ZNF180: variants seen among roughly 807,000 people sequenced by gnomAD.
ZNF180 encodes the protein zinc finger protein 180 (HHZ168).
In ZNF180, 11 loss-of-function variants were observed where a neutral mutation model predicts 11.8. The ratio of observed to expected loss-of-function variants is 0.93; its 90% CI spans 0.59 to 1.55. ZNF180 has a LOEUF of 1.55. Ranked by LOEUF, ZNF180 falls within the 40% of genes most tolerant of loss-of-function variation. The pLI is 0.00. For synonymous variants in ZNF180, 287 were observed against 257.7 expected, an observed-to-expected ratio of 1.11 and a Z score of -1.09; for missense variants, 773 against 781.7, an observed-to-expected ratio of 0.99 and a Z score of 0.13.
At chr19:44,486,846 G>C (rs1256319308) in intron 2 of ZNF180, among the ~76,000 whole-genome samples, 1 of 152,076 alleles carries the variant, frequency 6.6e-6, no homozygotes, top group African/African-American at 2.4e-5. Context: ...TTCGAGACCA[G>C]CCTGGTCAAC....
intron 2 of ZNF180, among the ~76,000 whole-genome samples, chr19:44,486,724 T>C (rs1236555163): frequency 6.6e-6 from 1 of 151,978 alleles, no homozygotes; most frequent in Admixed American, 6.6e-5. Context: ...AGCAACACAG[T>C]GAGGCTCCCC....
At position 44,500,507 on chromosome 19, in the gene ZNF180, C is replaced by T. The variant is rs920520488; in HGVS notation, c.-276G>A. The T allele has an allele frequency of 1.9e-6, 1 of 539,986 alleles. No homozygotes were observed. Among genetic ancestry groups the T allele is most frequent in the Non-Finnish European group, 3.3e-6 (1 of 303,864 alleles). 33.4% of individuals were successfully genotyped at this position (539,986 alleles called of 1,614,324 possible). ...CGACAGCAAGCGTCCGCGCGCGGGA[C>T]AATGGCTGCTCTTGTGGCCGAACCC... On this transcript the variant is annotated 5_prime_UTR_variant, in exon 1 of 5. Transcript: ENST00000592529.
intron 4 of ZNF180, 135 bp from the exon 5 acceptor site, chr19:44,478,281 G>A (rs1388682773): frequency 2.2e-5 from 19 of 874,384 alleles, no homozygotes; most frequent in Non-Finnish European, 3.1e-5. Context: ...GGTTGAAAAA[G>A]CAAAAGGGTG....
intron 2 of ZNF180, among the ~76,000 whole-genome samples, chr19:44,490,030 GA>G (rs1970398421): frequency 7.2e-6 from 1 of 139,206 alleles, no homozygotes; most frequent in South Asian, 2.4e-4. Context: ...AAAAAGACAG[GA>G]AAGAAAGAGG....
intron 4 of ZNF180, among the ~76,000 whole-genome samples, chr19:44,478,970 C>G (rs1165535064): frequency 3.5e-4 from 53 of 152,126 alleles, no homozygotes; most frequent in Non-Finnish European, 1.5e-5. Flanking sequence ...GAGATTGTAT[C>G]TGCTTCAAAA....
At chr19:44,493,398 G>C (rs1053499848) in intron 2 of ZNF180, among the ~76,000 whole-genome samples, 4 of 152,200 alleles carry the variant, frequency 2.6e-5, no homozygotes, top group Non-Finnish European at 5.9e-5. Context: ...CAGCTCACTG[G>C]ACTCGTGGCC....
intron 3 of ZNF180, among the ~76,000 whole-genome samples, chr19:44,482,758 C>T (rs762046157): frequency 1.4e-4 from 22 of 152,232 alleles, no homozygotes; most frequent in Non-Finnish European, 2.9e-4. Context: ...ATTGTGCTAA[C>T]ATGTCATATG....
chr19:44,493,626 T>C (rs1019432860), intron 2 of ZNF180, among the ~76,000 whole-genome samples: 4 of 152,174 alleles, frequency 2.6e-5, no homozygotes, highest in African/African-American at 9.7e-5. Flanking sequence ...CCTTGACCAA[T>C]GGTACCAAGG....
chr19:44,488,689 G>A (rs1028951194), intron 2 of ZNF180, among the ~76,000 whole-genome samples: 4 of 151,900 alleles, frequency 2.6e-5, no homozygotes, highest in South Asian at 2.1e-4. Context: ...CTGCCACCCC[G>A]TCTGGGAAGT....
Position 44,479,388 on chromosome 19 carries a change from C to T in ZNF180, c.148G>A (p.Val50Met), listed in dbSNP as rs755098316. The change falls in exon 4 of 5, where the codon GTG becomes ATG. Residue 50 changes from valine to methionine, a missense_variant. Coordinates refer to ENST00000592529, the MANE Select transcript of ZNF180 (RefSeq NM_001278509.3). ...PSQEGVNFKI[V>M]TVDFTREEQG... is the part of the protein sequence containing the mutation. ...TCCTCCCGTGTGAAGTCCACAGTCA[C>T]AATTTTGAAGTTCACTCCTTCCTAA... is the stretch of plus-strand genomic sequence containing the variant. 89 of 1,613,780 alleles carry T rather than the reference C, an allele frequency of 5.5e-5. No homozygotes were observed. The highest frequency in any genetic ancestry group is 7.3e-5 in the Non-Finnish European group (86 of 1,179,882).
chr19:44,476,385 C>T lies in ZNF180; in HGVS notation c.*17G>A. On this transcript the variant is annotated 3_prime_UTR_variant, in exon 5 of 5. Transcript: ENST00000592529. ...AAGAATGAAATAAAAAGGAAGAAAT[C>T]CCAGCTGATTTACAAACTAGTTACA... is the stretch of plus-strand genomic sequence containing the variant. 1 of 1,530,252 alleles carries T rather than the reference C, an allele frequency of 6.5e-7. No individual in the cohort carries two copies. 94.8% of individuals were successfully genotyped at this position (1,530,252 alleles called of 1,614,324 possible). A position where few individuals can be genotyped will look rare whatever the true frequency, so the allele number is the denominator to read the frequency against.
intron 3 of ZNF180, 61 bp downstream of exon 3, chr19:44,484,300 C>G: frequency 7.1e-7 from 1 of 1,399,762 alleles, no homozygotes; most frequent in Non-Finnish European, 1.0e-6. Context: ...TCCTCACTTT[C>G]TACTCACTTC....
Position 44,478,006 on chromosome 19 carries a change from T to C in ZNF180, c.394A>G (p.Lys132Glu), listed in dbSNP as rs1333367466. 17 of 1,613,982 alleles carry C rather than the reference T, an allele frequency of 1.1e-5. No individual in the cohort carries two copies. Among genetic ancestry groups the C allele is most frequent in the Non-Finnish European group, 1.4e-5 (16 of 1,179,988 alleles). ...LSSCEEVDDC[K>E]DQLEKQQEKQ... Reference sequence around the variant, plus strand: ...TCCTGTTGCTTCTCCAACTGGTCTTTACAATCATCCACTTCTTCACATGAA... The same window carrying C: ...TCCTGTTGCTTCTCCAACTGGTCTTCACAATCATCCACTTCTTCACATGAA... Residue 132 changes from lysine to glutamate, a missense_variant, in exon 5 of 5, where the codon AAA (lysine) becomes GAA (glutamate). Transcript: ENST00000592529.
intron 2 of ZNF180, among the ~76,000 whole-genome samples, chr19:44,490,048 AAGGGAAAGAGGGAAAGGAAG>A (rs1970400908): frequency 2.3e-4 from 30 of 131,868 alleles, no homozygotes; most frequent in Non-Finnish European, 4.0e-4. Context: ...GAGGGAAGGG[AAGGGAAAGAGGGAAAGGAAG>A]GGAAAGAAAG....
chr19:44,476,318 GTTC>G lies in ZNF180; in HGVS notation c.*81_*83del. 7.7e-7 allele frequency: 1 copy of G among 1,299,794 alleles called. No individual in the cohort carries two copies. The highest frequency in any genetic ancestry group is 1.0e-6 in the Non-Finnish European group (1 of 962,636). The allele number at this position is 1,299,794 out of a possible 1,614,324, so 80.5% of individuals were successfully genotyped here. ...TCCCACATATATTGTTTTTATAGTAGTTCTTCCAACTACATGTACTACCTTAAA... is the reference window on the plus strand; with the variant it reads ...TCCCACATATATTGTTTTTATAGTAGTTCCAACTACATGTACTACCTTAAA... On this transcript the variant is annotated 3_prime_UTR_variant, in exon 5 of 5. Coordinates refer to ENST00000592529, the MANE Select transcript of ZNF180 (RefSeq NM_001278509.3).
rs150840613 is a variant in ZNF180 at position 44,476,631 on chromosome 19, C to T, written c.1769G>A (p.Ser590Asn). ...TCTCTGATGTTGAGTAAGGCATGAACTCTGTCTGAAGGACTTCCCACATTG... is the reference window on the plus strand; with the variant it reads ...TCTCTGATGTTGAGTAAGGCATGAATTCTGTCTGAAGGACTTCCCACATTG... The part of the protein sequence containing the change: ...CSQCGKSFRQ[S>N]SCLTQHQRTH... The change falls in exon 5 of 5, where the codon AGT becomes AAT. Residue 590 changes from serine to asparagine, a missense_variant. Transcript: ENST00000592529. The T allele has an allele frequency of 2.4e-5, 38 of 1,614,012 alleles. No homozygotes were observed. The highest frequency in any genetic ancestry group is 2.7e-5 in the African/African-American group (2 of 74,928).
At chr19:44,492,305 G>T (rs754046401) in intron 2 of ZNF180, among the ~76,000 whole-genome samples, 19 of 152,204 alleles carry the variant, frequency 1.2e-4, no homozygotes, top group Non-Finnish European at 2.6e-4. Context: ...CTAGAGACAC[G>T]TGCAGAGTTT....
Position 44,500,392 on chromosome 19 carries a change from G to A in ZNF180, c.-161C>T, listed in dbSNP as rs1600104416. On this transcript the variant is annotated 5_prime_UTR_variant, in exon 1 of 5. Transcript: ENST00000592529. ...CCCCCTGCCCCGATTCTGCAACACGGCCGACTCGGGTTAAGCTAGTTCGGT... is the reference window on the plus strand; with the variant it reads ...CCCCCTGCCCCGATTCTGCAACACGACCGACTCGGGTTAAGCTAGTTCGGT... The A allele has an allele frequency of 2.2e-6, 2 of 897,644 alleles. No individual in the cohort carries two copies. The highest frequency in any genetic ancestry group is 1.8e-6 in the Non-Finnish European group (1 of 566,826). 55.6% of individuals were successfully genotyped at this position (897,644 alleles called of 1,614,324 possible).
At chr19:44,494,724 T>C (rs2123500797) in intron 2 of ZNF180, among the ~76,000 whole-genome samples, 1 of 152,254 alleles carries the variant, frequency 6.6e-6, no homozygotes, top group East Asian at 1.9e-4. Flanking sequence ...GTAGTTTTGA[T>C]AAAGATATAA....
Sources: allele counts gnomAD v4.1 joint callset (sites outside exome capture counted in the v4.1 genomes callset), GRCh38; gene constraint gnomAD v4.1.1; transcripts MANE v1.5; gene names NCBI Gene and HGNC (gene_info 2026-07-23, HGNC 2026-07-21).